The following GALNT17 variants were observed in gnomAD, a reference collection of about 807,000 sequenced individuals.
The protein encoded by GALNT17 is polypeptide N-acetylgalactosaminyltransferase 17.
In GALNT17, 29 loss-of-function variants were observed where a neutral mutation model predicts 63.7. The ratio of observed to expected loss-of-function variants is 0.46; its 90% CI spans 0.34 to 0.62. The LOEUF (loss-of-function observed/expected upper bound fraction) is 0.62. Among genes scored for constraint, GALNT17 ranks in the 20% least tolerant of loss-of-function variants. The pLI, the probability that GALNT17 is intolerant of heterozygous loss-of-function variation, is 0.01. For missense variants in GALNT17, 603 were observed against 799.6 expected, an observed-to-expected ratio of 0.75 and a Z score of 2.97; for synonymous variants, 305 against 318.3, an observed-to-expected ratio of 0.96 and a Z score of 0.45.
intron 4 of GALNT17, 123 bp from the exon 5 acceptor site, chr7:71,420,785 C>T: frequency 8.4e-7 from 1 of 1,189,038 alleles, no homozygotes; most frequent in Non-Finnish European, 1.2e-6. Flanking sequence ...CAGTTTGCAT[C>T]TGAGTTCCAG....
chr7:71,617,310 C>T (rs887218639), intron 6 of GALNT17, among the ~76,000 whole-genome samples: 1 of 111,752 alleles, frequency 8.9e-6, no homozygotes, highest in Non-Finnish European at 1.8e-5. Context: ...TTTGCAGGGG[C>T]GGGGGGGGTT....
chr7:71,310,399 A>G (rs922811590), intron 1 of GALNT17, among the ~76,000 whole-genome samples: 2 of 152,180 alleles, frequency 1.3e-5, no homozygotes, highest in South Asian at 2.1e-4. Context: ...CCGTGTGCCT[A>G]TTTGCATCTG....
At chr7:71,598,593 A>G (rs1390383456) in intron 6 of GALNT17, among the ~76,000 whole-genome samples, 1 of 152,266 alleles carries the variant, frequency 6.6e-6, no homozygotes, top group East Asian at 1.9e-4. Flanking sequence ...GACCTAGGAG[A>G]TCCATCCATA....
chr7:71,660,167 G>A lies in GALNT17; in HGVS notation c.1081-5244G>A, dbSNP rs190215932. ...TTTTTTGATGAATAAATAAATGGAT[G>A]AGCGTCTGTTTCTGGAGTCACCACA... On this transcript the variant is annotated intron_variant, in intron 6 of 10. Transcript: ENST00000333538. Among the ~76,000 whole-genome samples, 5 of 152,256 alleles carry A rather than the reference G, an allele frequency of 3.3e-5. No homozygotes were observed. In the East Asian group the frequency reaches 9.7e-4, roughly 29 times the overall value.
At chr7:71,578,547 G>A (rs940609291) in intron 6 of GALNT17, among the ~76,000 whole-genome samples, 3 of 152,024 alleles carry the variant, frequency 2.0e-5, no homozygotes, top group African/African-American at 7.2e-5. Context: ...TCACTATGTT[G>A]CCCAGGCTGA....
At chr7:71,580,743 G>A (rs1443291553) in intron 6 of GALNT17, among the ~76,000 whole-genome samples, 2 of 152,112 alleles carry the variant, frequency 1.3e-5, no homozygotes, top group African/African-American at 4.8e-5. Context: ...GGGAAATAGT[G>A]TTGCTGTTCT....
intron 6 of GALNT17, among the ~76,000 whole-genome samples, chr7:71,588,117 A>G (rs1364915255): frequency 4.6e-5 from 7 of 152,218 alleles, no homozygotes; most frequent in African/African-American, 1.7e-4. Context: ...AGCCTTTTCC[A>G]TGAACAAAGC....
intron 6 of GALNT17, among the ~76,000 whole-genome samples, chr7:71,647,302 C>T (rs1049099697): frequency 6.6e-6 from 1 of 150,502 alleles, no homozygotes; most frequent in African/African-American, 2.5e-5. Flanking sequence ...CTCCTGACTT[C>T]AAGTGATCTG....
At chr7:71,653,396 G>A (rs1011812066) in intron 6 of GALNT17, among the ~76,000 whole-genome samples, 2 of 149,626 alleles carry the variant, frequency 1.3e-5, no homozygotes, top group African/African-American at 4.9e-5. Flanking sequence ...ACATTGTTTC[G>A]ACCTATAAAA....
chr7:71,375,226 T>C (rs1469379419), intron 2 of GALNT17, among the ~76,000 whole-genome samples: 1 of 152,202 alleles, frequency 6.6e-6, no homozygotes, highest in African/African-American at 2.4e-5. Context: ...CAGAAGTGTT[T>C]CAGGGTCAAT....
At chr7:71,511,456 G>A (rs1788354520) in intron 5 of GALNT17, among the ~76,000 whole-genome samples, 1 of 152,130 alleles carries the variant, frequency 6.6e-6, no homozygotes, top group Admixed American at 6.6e-5. Flanking sequence ...TTCACGCAGT[G>A]GCACAGCCTG....
At chr7:71,357,100 T>A (rs1377156968) in intron 2 of GALNT17, among the ~76,000 whole-genome samples, 1 of 152,070 alleles carries the variant, frequency 6.6e-6, no homozygotes, top group Admixed American at 6.5e-5. Context: ...GGAGTGTTTT[T>A]TGTGTGTGTT....
chr7:71,415,228 G>A (rs148504466), intron 3 of GALNT17, among the ~76,000 whole-genome samples: 9 of 152,212 alleles, frequency 5.9e-5, no homozygotes, highest in South Asian at 4.1e-4. Flanking sequence ...CAGCTCTCCC[G>A]TTAGCCCATA....
intron 6 of GALNT17, among the ~76,000 whole-genome samples, chr7:71,597,396 T>C (rs1789902766): frequency 1.3e-5 from 2 of 151,968 alleles, no homozygotes; most frequent in African/African-American, 4.8e-5. Flanking sequence ...TAGTTCCAGC[T>C]ACTTGGGAGG....
At chr7:71,677,745 G>C (rs1356299228) in intron 9 of GALNT17, among the ~76,000 whole-genome samples, 1 of 152,062 alleles carries the variant, frequency 6.6e-6, no homozygotes, top group Non-Finnish European at 1.5e-5. Flanking sequence ...TTCATCTCCT[G>C]ACCTTGTGAT....
At chr7:71,427,057 A>G (rs1048175921) in intron 5 of GALNT17, among the ~76,000 whole-genome samples, 2 of 151,528 alleles carry the variant, frequency 1.3e-5, no homozygotes, top group African/African-American at 2.4e-5. Context: ...CATATTGAGG[A>G]CTTTATATAT....
intron 1 of GALNT17, among the ~76,000 whole-genome samples, chr7:71,179,096 TC>T (rs1788690703): frequency 6.6e-6 from 1 of 152,074 alleles, no homozygotes; most frequent in South Asian, 2.1e-4. Flanking sequence ...ATACCCTGGG[TC>T]CCCAAAATCC....
At chr7:71,552,950 T>A (rs10242031) in intron 5 of GALNT17, among the ~76,000 whole-genome samples, 1 of 151,916 alleles carries the variant, frequency 6.6e-6, no homozygotes, top group Non-Finnish European at 1.5e-5. Flanking sequence ...GCTGGGCATC[T>A]GTCTCCCTTT....
chr7:71,409,718 A>G (rs1793397143), intron 3 of GALNT17, among the ~76,000 whole-genome samples: 1 of 152,196 alleles, frequency 6.6e-6, no homozygotes, highest in African/African-American at 2.4e-5. Context: ...TCGTATGTCC[A>G]CTGTGCAGTA....
Sources: gnomAD v4.1 joint callset for allele counts (sites outside exome capture counted in the v4.1 genomes callset) on GRCh38, gnomAD v4.1.1 for gene constraint, MANE v1.5 for transcripts, NCBI Gene and HGNC (gene_info 2026-07-23, HGNC 2026-07-21) for gene names.